Variants in NCOA2 observed in about 807,000 individuals in gnomAD.
NCOA2 encodes the protein class E basic helix-loop-helix protein 75.
In NCOA2, 21 loss-of-function variants were observed where a neutral mutation model predicts 145.1. The observed-to-expected ratio is 0.14, with a 90% CI of 0.10 to 0.21. NCOA2 has a LOEUF of 0.21. Ranked by LOEUF, NCOA2 falls within the 10% of genes least tolerant of loss-of-function variation. The pLI is 1.00. For synonymous variants in NCOA2, 619 were observed against 637.5 expected, an observed-to-expected ratio of 0.97 and a Z score of 0.44; for missense variants, 1,472 against 1,837.6, an observed-to-expected ratio of 0.80 and a Z score of 3.64.
the NCOA2 span, among the ~76,000 whole-genome samples, chr8:70,415,326 C>G: frequency 2.0e-5 from 3 of 151,976 alleles, no homozygotes; most frequent in African/African-American, 7.3e-5. Flanking sequence ...AAGACTCTGT[C>G]CCAAACAAAC....
the NCOA2 span, among the ~76,000 whole-genome samples, chr8:70,428,274 G>A: frequency 1.3e-5 from 2 of 150,778 alleles, no homozygotes; most frequent in Non-Finnish European, 3.0e-5. Context: ...GAAACATAGG[G>A]AGAACCTGTC....
chr8:70,375,239 T>C (rs958427344), intron 1 of NCOA2, among the ~76,000 whole-genome samples: 7 of 152,224 alleles, frequency 4.6e-5, no homozygotes, highest in African/African-American at 1.7e-4. Flanking sequence ...TACTTGTGCA[T>C]ATGCGTGTTT....
At chr8:70,127,459 C>T (rs532212733) in intron 18 of NCOA2, among the ~76,000 whole-genome samples, 21 of 152,166 alleles carry the variant, frequency 1.4e-4, no homozygotes, top group Admixed American at 2.6e-4. Flanking sequence ...CAAAAGGTGA[C>T]GTGGTGCACT....
intron 4 of NCOA2, among the ~76,000 whole-genome samples, chr8:70,199,804 C>A (rs1452946666): frequency 6.6e-6 from 1 of 152,162 alleles, no homozygotes; most frequent in Non-Finnish European, 1.5e-5. Context: ...TAATTACATC[C>A]ATTGACAGCC....
intron 4 of NCOA2, 96 bp downstream of exon 4, chr8:70,213,807 A>G (rs966853366): frequency 4.0e-6 from 4 of 994,368 alleles, no homozygotes; most frequent in African/African-American, 3.3e-5. Context: ...TAATTTAAGC[A>G]TAAGAAATGG....
At chr8:70,176,532 A>G (rs911665359) in intron 4 of NCOA2, among the ~76,000 whole-genome samples, 15 of 152,290 alleles carry the variant, frequency 9.8e-5, no homozygotes, top group African/African-American at 3.6e-4. Context: ...CAGGGTCTCC[A>G]GCCACAGGAT....
chr8:70,423,218 T>C, the NCOA2 span, among the ~76,000 whole-genome samples: 2 of 152,298 alleles, frequency 1.3e-5, no homozygotes, highest in South Asian at 4.2e-4. Context: ...AGTTTTGTTC[T>C]TGTTGCTCAG....
intron 1 of NCOA2, among the ~76,000 whole-genome samples, chr8:70,359,053 AT>A (rs1809985021): frequency 6.6e-6 from 1 of 152,226 alleles, no homozygotes; most frequent in South Asian, 2.1e-4. Flanking sequence ...TAGGATGGCT[AT>A]ATTACAATTT....
At chr8:70,296,585 A>G (rs1031032494) in intron 2 of NCOA2, among the ~76,000 whole-genome samples, 159 bp downstream of exon 2, 12 of 152,330 alleles carry the variant, frequency 7.9e-5, no homozygotes, top group African/African-American at 2.9e-4. Flanking sequence ...TACATTTGTA[A>G]GGAACTTTCA....
chr8:70,364,364 T>G (rs1810484938), intron 1 of NCOA2, among the ~76,000 whole-genome samples: 1 of 152,078 alleles, frequency 6.6e-6, no homozygotes. Context: ...ATTAAAAAAA[T>G]TACTTGGGAA....
At chr8:70,416,640 A>G in the NCOA2 span, among the ~76,000 whole-genome samples, 3 of 152,232 alleles carry the variant, frequency 2.0e-5, no homozygotes, top group Admixed American at 1.3e-4. Flanking sequence ...GTAATTTATA[A>G]TGAAGAGAAA....
chr8:70,424,258 T>C, the NCOA2 span: 1 of 385,446 alleles, frequency 2.6e-6, no homozygotes, highest in Non-Finnish European at 5.0e-6. Context: ...CTCCAGGTCT[T>C]CACGGAGCTT....
intron 1 of NCOA2, among the ~76,000 whole-genome samples, chr8:70,372,094 G>A (rs1586622936): frequency 6.6e-6 from 1 of 152,010 alleles, no homozygotes; most frequent in African/African-American, 2.4e-5. Context: ...TTAGTGAGCT[G>A]GATACCGAGT....
At chr8:70,278,619 T>A (rs1412916686) in intron 2 of NCOA2, among the ~76,000 whole-genome samples, 1 of 152,028 alleles carries the variant, frequency 6.6e-6, no homozygotes, top group Non-Finnish European at 1.5e-5. Flanking sequence ...CGCCTCAGCC[T>A]CCAGTATTGC....
intron 2 of NCOA2, among the ~76,000 whole-genome samples, chr8:70,225,574 GAAAAGAAAAGA>G (rs1302710461): frequency 6.7e-6 from 1 of 150,254 alleles, no homozygotes; most frequent in Non-Finnish European, 1.5e-5. Context: ...AGAAAAGAAA[GAAAAGAAAAGA>G]AAAAGAAAAA....
chr8:70,198,954 G>A (rs921753595), intron 4 of NCOA2, among the ~76,000 whole-genome samples: 7 of 152,174 alleles, frequency 4.6e-5, no homozygotes, highest in South Asian at 2.1e-4. Context: ...TAAGACGGGG[G>A]CTGTGGGGAG....
At chr8:70,430,290 AG>A in the NCOA2 span, among the ~76,000 whole-genome samples, 2 of 152,252 alleles carry the variant, frequency 1.3e-5, no homozygotes, top group Admixed American at 1.3e-4. Context: ...TGAGATAAAA[AG>A]GCAAAATCTC....
intron 2 of NCOA2, chr8:70,245,416 G>A (rs1015736071): frequency 2.6e-5 from 4 of 151,942 alleles, no homozygotes; most frequent in African/African-American, 9.7e-5. Flanking sequence ...AGCCTTTTCT[G>A]CAGTCACATG....
At chr8:70,402,740 C>A (rs1185272966) in intron 1 of NCOA2, among the ~76,000 whole-genome samples, 1 of 151,898 alleles carries the variant, frequency 6.6e-6, no homozygotes, top group African/African-American at 2.4e-5. Context: ...AAAGGGGGCG[C>A]TGGCGAGCCA....
Sources: allele counts gnomAD v4.1 joint callset (sites outside exome capture counted in the v4.1 genomes callset), GRCh38; gene constraint gnomAD v4.1.1; transcripts MANE v1.5; gene names NCBI Gene and HGNC (gene_info 2026-07-23, HGNC 2026-07-21).